SKAP1: variants seen among roughly 807,000 people sequenced by gnomAD.
SKAP1 encodes the protein src kinase-associated phosphoprotein 1.
A neutral mutation model predicts 58.5 loss-of-function variants in SKAP1; 44 were observed. The ratio of observed to expected loss-of-function variants is 0.75; its 90% CI spans 0.59 to 0.97. The LOEUF (loss-of-function observed/expected upper bound fraction) is 0.97, where lower values mean the gene tolerates loss of function less well. Among genes scored for constraint, SKAP1 ranks in the 50% least tolerant of loss-of-function variants. The pLI is 0.00. For synonymous variants in SKAP1, 127 were observed against 149.7 expected (o/e 0.85, Z 1.11); for missense variants, 390 against 435.2 (o/e 0.90, Z 0.92).
intron 9 of SKAP1, 141 bp downstream of exon 9, chr17:48,179,913 T>G (rs560820468): frequency 1.3e-6 from 1 of 741,314 alleles, no homozygotes; most frequent in East Asian, 2.6e-5. Context: ...CCCTACAATC[T>G]CATAAAGCGT....
chr17:48,414,020 T>A (rs888031645), intron 1 of SKAP1, among the ~76,000 whole-genome samples: 1 of 152,172 alleles, frequency 6.6e-6, no homozygotes, highest in Non-Finnish European at 1.5e-5. Flanking sequence ...CTACATTGTC[T>A]AAATGCATTT....
At chr17:48,137,171 T>TAGTG (rs2144563751) in intron 12 of SKAP1, 58 bp downstream of exon 12, 9 of 1,041,130 alleles carry the variant, frequency 8.6e-6, no homozygotes, top group Non-Finnish European at 1.3e-5. Context: ...AGAAACAAAG[T>TAGTG]AGTGGCCCAC....
intron 4 of SKAP1, among the ~76,000 whole-genome samples, chr17:48,289,123 A>G (rs1598516321): frequency 1.3e-5 from 2 of 152,182 alleles, no homozygotes; most frequent in East Asian, 3.8e-4. Context: ...GACAATCTAT[A>G]TTCAAAATTA....
rs1049117648 is a variant in SKAP1 at position 48,276,305 on chromosome 17, G to A, written c.280+69600C>T. ...AATCTTACTTATCCTTCAAGATTTG[G>A]CTAAATGTCTTCTCCTCTGTGAAGT... On this transcript the variant is annotated intron_variant, in intron 4 of 12. Transcript: ENST00000336915. 3.9e-5 allele frequency among the ~76,000 whole-genome samples: 6 copies of A among 152,162 alleles called. No individual in the cohort carries two copies. The East Asian group carries it at 1.2e-3, about 29-fold the overall frequency.
At chr17:48,403,979 C>G (rs992390911) in intron 1 of SKAP1, among the ~76,000 whole-genome samples, 16 of 151,396 alleles carry the variant, frequency 1.1e-4, no homozygotes, top group African/African-American at 3.6e-4. Flanking sequence ...ATCCTTGCTA[C>G]TTGGGAGGCT....
intron 4 of SKAP1, among the ~76,000 whole-genome samples, chr17:48,230,041 C>T (rs994918638): frequency 6.7e-6 from 1 of 149,236 alleles, no homozygotes; most frequent in Non-Finnish European, 1.5e-5. Context: ...CAGGCTCAGA[C>T]CTTGAACTGA....
chr17:48,398,611 A>G (rs1045950089), intron 1 of SKAP1, among the ~76,000 whole-genome samples: 4 of 152,142 alleles, frequency 2.6e-5, no homozygotes, highest in African/African-American at 4.8e-5. Context: ...CCTGATACAT[A>G]CTATCAAAAT....
intron 4 of SKAP1, among the ~76,000 whole-genome samples, chr17:48,286,007 A>G (rs2065825985): frequency 6.6e-6 from 1 of 152,248 alleles, no homozygotes; most frequent in African/African-American, 2.4e-5. Flanking sequence ...AACAGCCAGT[A>G]CAGTGCTTAG....
Position 48,327,329 on chromosome 17 carries a change from G to A in SKAP1, c.280+18576C>T, listed in dbSNP as rs2066452176. 3.3e-5 allele frequency among the ~76,000 whole-genome samples: 5 copies of A among 152,170 alleles called. No individual in the cohort carries two copies. The South Asian group carries it at 1.0e-3, about 32-fold the overall frequency. The stretch of plus-strand genomic sequence containing the variant: ...TTCCAAAGTGATCACTGAATATTAA[G>A]CTAATGGAACATTCTGTCAGTTTCG... On this transcript the variant is annotated intron_variant, in intron 4 of 12. Coordinates refer to ENST00000336915, the MANE Select transcript of SKAP1 (RefSeq NM_003726.4).
intron 1 of SKAP1, among the ~76,000 whole-genome samples, chr17:48,424,259 T>G (rs924660385): frequency 9.2e-5 from 12 of 129,758 alleles, no homozygotes; most frequent in Admixed American, 7.4e-4. Context: ...GGAGTCTCGC[T>G]CTGTCACCCA....
intron 4 of SKAP1, among the ~76,000 whole-genome samples, chr17:48,220,302 C>T (rs911130730): frequency 6.6e-6 from 1 of 152,062 alleles, no homozygotes; most frequent in African/African-American, 2.4e-5. Context: ...AAAAACCATA[C>T]GTTTACCTAC....
At chr17:48,151,966 CATCT>C (rs1467975853) in intron 11 of SKAP1, among the ~76,000 whole-genome samples, 1 of 152,138 alleles carries the variant, frequency 6.6e-6, no homozygotes, top group Non-Finnish European at 1.5e-5. Context: ...AGAATATTCT[CATCT>C]ATCAGGTACA....
At chr17:48,432,739 CT>C (rs2067926146), upstream of SKAP1, among the ~76,000 whole-genome samples, 1 of 152,182 alleles carries the variant, frequency 6.6e-6, no homozygotes, top group African/African-American at 2.4e-5. Context: ...TGCTTTCCTT[CT>C]TGGCAACAGA....
intron 3 of SKAP1, among the ~76,000 whole-genome samples, chr17:48,350,865 C>G (rs2066791507): frequency 6.6e-6 from 1 of 152,074 alleles, no homozygotes; most frequent in African/African-American, 2.4e-5. Flanking sequence ...ACTTCCTATT[C>G]TATTTAATAT....
At chr17:48,422,083 C>G (rs551759245) in intron 1 of SKAP1, among the ~76,000 whole-genome samples, 1 of 152,156 alleles carries the variant, frequency 6.6e-6, no homozygotes, top group African/African-American at 2.4e-5. Flanking sequence ...TGGTGGTGTG[C>G]ACCTGTAGTC....
intron 4 of SKAP1, among the ~76,000 whole-genome samples, chr17:48,298,944 G>A (rs1018867045): frequency 2.0e-5 from 3 of 152,118 alleles, no homozygotes; most frequent in African/African-American, 7.2e-5. Context: ...AATATTCAGT[G>A]GTATGGCAGG....
At chr17:48,241,257 C>T (rs1182070172) in intron 4 of SKAP1, among the ~76,000 whole-genome samples, 1 of 152,030 alleles carries the variant, frequency 6.6e-6, no homozygotes, top group Non-Finnish European at 1.5e-5. Flanking sequence ...CCTGGATGAA[C>T]TCTGCATTTT....
intron 1 of SKAP1, among the ~76,000 whole-genome samples, chr17:48,401,673 A>G (rs1415353161): frequency 6.6e-6 from 1 of 152,200 alleles, no homozygotes; most frequent in Admixed American, 6.5e-5. Context: ...AAACTCTTAG[A>G]AAAAGACAGG....
At chr17:48,394,330 C>T (rs1017134969) in intron 2 of SKAP1, among the ~76,000 whole-genome samples, 7 of 151,798 alleles carry the variant, frequency 4.6e-5, no homozygotes, top group South Asian at 4.2e-4. Context: ...ATGTATTTGC[C>T]GTATGTTTAT....
Sources: allele counts gnomAD v4.1 joint callset (sites outside exome capture counted in the v4.1 genomes callset), GRCh38; gene constraint gnomAD v4.1.1; transcripts MANE v1.5; gene names NCBI Gene and HGNC (gene_info 2026-07-23, HGNC 2026-07-21).